ITGA11: variants seen among roughly 807,000 people sequenced by gnomAD.
ITGA11 encodes integrin subunit alpha 11, also known as integrin alpha-11.
Under a neutral mutation model 141.9 loss-of-function variants are expected in ITGA11, and 97 were observed. That is an observed-to-expected ratio of 0.68 (90% CI 0.58 to 0.81). The LOEUF is 0.81. Among genes scored for constraint, ITGA11 ranks in the 30% least tolerant of loss-of-function variants. The pLI, the probability that ITGA11 is intolerant of heterozygous loss-of-function variation, is 0.00. For synonymous variants in ITGA11, 658 were observed against 624.6 expected (o/e 1.05, Z -0.80); for missense variants, 1,387 against 1,559.2 (o/e 0.89, Z 1.86).
At chr15:68,422,075 A>T (rs939747113) in intron 1 of ITGA11, among the ~76,000 whole-genome samples, 5 of 152,126 alleles carry the variant, frequency 3.3e-5, no homozygotes, top group Non-Finnish European at 5.9e-5. Context: ...GGCATGAATC[A>T]CTGCTTCTGG....
At chr15:68,372,680 G>A (rs894482260) in intron 2 of ITGA11, among the ~76,000 whole-genome samples, 2 of 152,160 alleles carry the variant, frequency 1.3e-5, no homozygotes, top group South Asian at 2.1e-4. Context: ...CTGGAAGGCC[G>A]GACATGGCAC....
intron 9 of ITGA11, among the ~76,000 whole-genome samples, chr15:68,350,184 T>C (rs1438159129): frequency 6.6e-6 from 1 of 152,170 alleles, no homozygotes; most frequent in African/African-American, 2.4e-5. Context: ...TGTTGGCATT[T>C]ATGATTTATT....
chr15:68,360,119 G>A (rs1194059417), intron 5 of ITGA11, among the ~76,000 whole-genome samples: 4 of 152,184 alleles, frequency 2.6e-5, no homozygotes. Flanking sequence ...TGTACAGCAT[G>A]TGATGACCTG....
At chr15:68,420,977 T>C (rs894049657) in intron 1 of ITGA11, among the ~76,000 whole-genome samples, 4 of 152,038 alleles carry the variant, frequency 2.6e-5, no homozygotes, top group African/African-American at 9.7e-5. Context: ...AAGGCCTCAA[T>C]GGGAGAAGCA....
chr15:68,419,572 T>C (rs1434990994), intron 1 of ITGA11, among the ~76,000 whole-genome samples: 1 of 152,244 alleles, frequency 6.6e-6, no homozygotes. Context: ...AGAGTCCCTG[T>C]TGTCAACTTC....
At chr15:68,339,028 T>G (rs564793327) in intron 11 of ITGA11, among the ~76,000 whole-genome samples, 2 of 152,242 alleles carry the variant, frequency 1.3e-5, no homozygotes, top group Non-Finnish European at 2.9e-5. Context: ...TGATTTGTGC[T>G]TCTATCTAGA....
intron 1 of ITGA11, among the ~76,000 whole-genome samples, chr15:68,425,783 C>T (rs1177822864): frequency 2.6e-5 from 4 of 152,200 alleles, no homozygotes; most frequent in South Asian, 4.1e-4. Flanking sequence ...CCTGAAAATC[C>T]GCAGGGTCAG....
rs544919838 is a variant in ITGA11, at chr15:68,348,983, T to C, written c.1061-83A>G. 8.4e-5 allele frequency: 104 copies of C among 1,243,632 alleles called. No homozygotes were observed. In the African/African-American group the frequency reaches 1.5e-3, roughly 18 times the overall value. 77.0% of individuals were successfully genotyped at this position (1,243,632 alleles called of 1,614,324 possible). A position where few individuals can be genotyped will look rare whatever the true frequency, so the allele number is the denominator to read the frequency against. ...GATCTGCTGCCCAACCCACAGCTCCTGCTTCCTGGGGGCATCGTCAGGAGG... is the reference window on the plus strand; with the variant it reads ...GATCTGCTGCCCAACCCACAGCTCCCGCTTCCTGGGGGCATCGTCAGGAGG... On this transcript the variant is annotated intron_variant, in intron 9 of 29. Coordinates refer to ENST00000315757, the MANE Select transcript of ITGA11 (RefSeq NM_001004439.2).
chr15:68,383,077 C>T (rs1003495815), intron 2 of ITGA11, among the ~76,000 whole-genome samples: 1 of 152,182 alleles, frequency 6.6e-6, no homozygotes, highest in Non-Finnish European at 1.5e-5. Flanking sequence ...TGAGACCATC[C>T]TGGCTAACAC....
At chr15:68,415,243 G>A (rs963688497) in intron 1 of ITGA11, among the ~76,000 whole-genome samples, 3 of 152,182 alleles carry the variant, frequency 2.0e-5, no homozygotes, top group African/African-American at 7.2e-5. Flanking sequence ...CTCTGGATGT[G>A]TCTCTTGGCT....
chr15:68,340,193 A>G (rs1894517163), intron 10 of ITGA11, among the ~76,000 whole-genome samples: 1 of 144,178 alleles, frequency 6.9e-6, no homozygotes, highest in South Asian at 2.4e-4. Context: ...CCCAACCACC[A>G]GCAACAGAGC....
chr15:68,396,830 TATATA>T (rs1896254456), intron 2 of ITGA11, among the ~76,000 whole-genome samples: 1 of 141,172 alleles, frequency 7.1e-6, no homozygotes, highest in Admixed American at 7.7e-5. Flanking sequence ...AAAATATAAA[TATATA>T]ATATGTAATA....
chr15:68,400,165 G>A (rs1430259826), intron 2 of ITGA11, among the ~76,000 whole-genome samples: 3 of 152,060 alleles, frequency 2.0e-5, no homozygotes, highest in East Asian at 1.9e-4. Context: ...ATTCAATGGG[G>A]AAAATAGTCT....
chr15:68,427,630 A>G (rs1897175371), intron 1 of ITGA11, among the ~76,000 whole-genome samples: 1 of 152,096 alleles, frequency 6.6e-6, no homozygotes, highest in Admixed American at 6.5e-5. Context: ...CTCTCCATGG[A>G]ATTTTTTTGC....
At position 68,321,556 on chromosome 15, in the gene ITGA11, C is replaced by T. The variant is rs980629223; in HGVS notation, c.2323-53G>A. 8.2e-5 allele frequency: 101 copies of T among 1,228,330 alleles called. No homozygotes were observed. The highest frequency in any genetic ancestry group is 6.9e-4 in the East Asian group (27 of 39,320). The allele number at this position is 1,228,330 out of a possible 1,614,324, so 76.1% of individuals were successfully genotyped here. On this transcript the variant is annotated intron_variant, in intron 18 of 29. Transcript: ENST00000315757. The surrounding 1 kb of genome is among the most constrained non-coding windows in gnomAD (Gnocchi z 4.9). ...AGCTGGGTAGGGACCCGCAGCCCCT[C>T]GCCCTCAATGTACACCAGCTCTGTC...
At chr15:68,320,667 C>T (rs1316253355) in intron 19 of ITGA11, among the ~76,000 whole-genome samples, 3 of 152,228 alleles carry the variant, frequency 2.0e-5, no homozygotes, top group Non-Finnish European at 4.4e-5. Flanking sequence ...ACCACTCACG[C>T]ATCACCACTC....
intron 2 of ITGA11, among the ~76,000 whole-genome samples, chr15:68,386,700 C>A (rs1445710281): frequency 6.6e-6 from 1 of 152,226 alleles, no homozygotes; most frequent in Non-Finnish European, 1.5e-5. Flanking sequence ...CCCCTTTCTC[C>A]TTTTTCTCCT....
intron 6 of ITGA11, among the ~76,000 whole-genome samples, chr15:68,357,663 C>CA (rs150471082): frequency 0.058 from 8,861 of 152,220 alleles, 483 homozygotes; most frequent in African/African-American, 0.14. Context: ...TACCAAACTC[C>CA]AAAACTGAGG....
At chr15:68,386,474 G>A (rs112097360) in intron 2 of ITGA11, among the ~76,000 whole-genome samples, 1 of 152,260 alleles carries the variant, frequency 6.6e-6, no homozygotes, top group African/African-American at 2.4e-5. Flanking sequence ...CGGGAAGGCT[G>A]CCCAGGACCC....
Sources: gnomAD v4.1 joint callset for allele counts (sites outside exome capture counted in the v4.1 genomes callset) on GRCh38, gnomAD v4.1.1 for gene constraint, Gnocchi (gnomAD v3.1) non-coding constraint, MANE v1.5 for transcripts, NCBI Gene and HGNC (gene_info 2026-07-23, HGNC 2026-07-21) for gene names.